Variants in RAB3GAP2 observed in about 807,000 individuals in gnomAD.
The protein encoded by RAB3GAP2 is rab3 GTPase-activating protein non-catalytic subunit.
In RAB3GAP2, 87 loss-of-function variants were observed where a neutral mutation model predicts 185.3. That is an observed-to-expected ratio of 0.47 (90% CI 0.39 to 0.56). The LOEUF is 0.56. RAB3GAP2 is among the 20% of genes least tolerant of loss of function. RAB3GAP2 has a pLI of 0.00. For missense variants in RAB3GAP2, 1,492 were observed against 1,638.2 expected (o/e 0.91, Z 1.54); for synonymous variants, 554 against 576.1 (o/e 0.96, Z 0.55).
Position 220,157,828 on chromosome 1 carries a change from A to G in RAB3GAP2, c.3310T>C (p.Leu1104=). 6.2e-7 allele frequency: 1 copy of G among 1,613,678 alleles called. No homozygotes were observed. The highest frequency in any genetic ancestry group is 2.2e-5 in the East Asian group (1 of 44,858). ...TCCATTAAGATCTGAAGAAGATCCA[A>G]ACAGGAGCCGAGGAAAGATGTCATT... ...TAMTSFLGSC[L]DLLQILMEAD... is the part of the protein sequence containing the mutation. The change falls in exon 30 of 35, where the codon TTG becomes CTG. Residue 1104 remains leucine (L), a synonymous_variant. Coordinates refer to ENST00000358951, the MANE Select transcript of RAB3GAP2 (RefSeq NM_012414.4).
chr1:220,204,869 G>A (rs959586978), intron 8 of RAB3GAP2, among the ~76,000 whole-genome samples: 12 of 151,530 alleles, frequency 7.9e-5, no homozygotes, highest in African/African-American at 2.9e-4. Context: ...AGTTTGCTGA[G>A]AATGGTTTCC....
At chr1:220,196,122 G>T in intron 10 of RAB3GAP2, 128 bp downstream of exon 10, 1 of 1,047,054 alleles carries the variant, frequency 9.6e-7, no homozygotes, top group Non-Finnish European at 1.4e-6. Context: ...ATTAATTTTA[G>T]TTTCAATTGA....
rs538211590 is a variant in RAB3GAP2 at position 220,231,969 on chromosome 1, G to A, written c.180+830C>T. Among the ~76,000 whole-genome samples, 3 of 152,248 alleles carry A rather than the reference G, an allele frequency of 2.0e-5. No homozygotes were observed. In the South Asian group the frequency reaches 6.2e-4, roughly 32 times the overall value. On this transcript the variant is annotated intron_variant, in intron 2 of 34. Coordinates refer to ENST00000358951, the MANE Select transcript of RAB3GAP2 (RefSeq NM_012414.4). ...ATTCTATCTTTGGACTTCCTTCTAT[G>A]TAAGCGAATAAATTTTCTTCATATT... is the stretch of plus-strand genomic sequence containing the variant.
intron 4 of RAB3GAP2, chr1:220,211,234 C>T: frequency 1.5e-6 from 1 of 660,576 alleles, no homozygotes; most frequent in Non-Finnish European, 2.8e-6. Context: ...CAGAATTTTT[C>T]ACTCTGTATT....
At chr1:220,238,786 C>T (rs1007701550) in intron 1 of RAB3GAP2, among the ~76,000 whole-genome samples, 1 of 152,208 alleles carries the variant, frequency 6.6e-6, no homozygotes, top group Non-Finnish European at 1.5e-5. Context: ...TGTGAAACTA[C>T]AGCATTTGAC....
chr1:220,173,834 C>T (rs773971702), intron 21 of RAB3GAP2, among the ~76,000 whole-genome samples: 4 of 151,948 alleles, frequency 2.6e-5, no homozygotes, highest in East Asian at 3.9e-4. Flanking sequence ...TCCTGGCTAA[C>T]GTGGTGAAAC....
intron 1 of RAB3GAP2, among the ~76,000 whole-genome samples, chr1:220,257,515 C>A (rs1329830827): frequency 6.6e-6 from 1 of 152,142 alleles, no homozygotes; most frequent in African/African-American, 2.4e-5. Flanking sequence ...TCAAAAAGAT[C>A]TTTGAATCTA....
intron 2 of RAB3GAP2, among the ~76,000 whole-genome samples, chr1:220,214,450 CAGGAGGTAGAGGTTACAGTGAGCTG>C (rs1659145945): frequency 6.6e-6 from 1 of 151,762 alleles, no homozygotes; most frequent in African/African-American, 2.4e-5. Flanking sequence ...CACTTGAACC[CAGGAGGTAGAGGTTACAGTGAGCTG>C]AGATCGCACC....
intron 23 of RAB3GAP2, 101 bp from the exon 24 acceptor site, chr1:220,171,221 CACAA>C: frequency 2.1e-6 from 2 of 955,074 alleles, no homozygotes; most frequent in Non-Finnish European, 3.3e-6. Flanking sequence ...GAGGATACAT[CACAA>C]AGCAACACAT....
intron 2 of RAB3GAP2, among the ~76,000 whole-genome samples, chr1:220,217,134 T>C (rs1659215490): frequency 6.6e-6 from 1 of 152,014 alleles, no homozygotes; most frequent in Non-Finnish European, 1.5e-5. Context: ...AATCTAGGCT[T>C]CCTAATTCCT....
intron 2 of RAB3GAP2, among the ~76,000 whole-genome samples, chr1:220,229,014 T>G (rs1306877385): frequency 6.6e-6 from 1 of 152,222 alleles, no homozygotes; most frequent in East Asian, 1.9e-4. Context: ...CATTTATCCC[T>G]GGAGATCCCT....
intron 2 of RAB3GAP2, among the ~76,000 whole-genome samples, chr1:220,222,197 T>A (rs1659320656): frequency 1.3e-5 from 2 of 152,232 alleles, no homozygotes; most frequent in Admixed American, 6.5e-5. Context: ...ACTATATTAC[T>A]AGTTACTAAG....
At chr1:220,263,951 A>G (rs1160111981) in intron 1 of RAB3GAP2, among the ~76,000 whole-genome samples, 1 of 152,090 alleles carries the variant, frequency 6.6e-6, no homozygotes, top group Non-Finnish European at 1.5e-5. Context: ...TACTATAAAC[A>G]TGTACATTTA....
At chr1:220,258,557 C>CA (rs1410213193) in intron 1 of RAB3GAP2, among the ~76,000 whole-genome samples, 1 of 152,172 alleles carries the variant, frequency 6.6e-6, no homozygotes, top group Non-Finnish European at 1.5e-5. Flanking sequence ...TAAAAACTCT[C>CA]AATAAACTAG....
At chr1:220,265,125 C>A (rs1660207396) in intron 1 of RAB3GAP2, among the ~76,000 whole-genome samples, 3 of 152,128 alleles carry the variant, frequency 2.0e-5, no homozygotes, top group Non-Finnish European at 1.5e-5. Context: ...GTTCTATTTT[C>A]AGATTATTTT....
intron 1 of RAB3GAP2, among the ~76,000 whole-genome samples, chr1:220,250,409 T>C (rs573175128): frequency 1.3e-5 from 2 of 152,330 alleles, no homozygotes; most frequent in East Asian, 3.9e-4. Context: ...ACTCACATTG[T>C]ATATAGGAAG....
At chr1:220,223,587 A>G (rs1033537045) in intron 2 of RAB3GAP2, among the ~76,000 whole-genome samples, 1 of 152,136 alleles carries the variant, frequency 6.6e-6, no homozygotes, top group Non-Finnish European at 1.5e-5. Flanking sequence ...AGGAGTCAAC[A>G]ATTTCAAATA....
intron 21 of RAB3GAP2, 25 bp from the exon 22 acceptor site, chr1:220,172,767 CA>C (rs762703658): frequency 3.9e-6 from 6 of 1,532,024 alleles, no homozygotes; most frequent in Non-Finnish European, 5.4e-6. Context: ...AAATCTTTTT[CA>C]GTCTAAAAAA....
At chr1:220,260,744 C>T (rs1660119682) in intron 1 of RAB3GAP2, among the ~76,000 whole-genome samples, 1 of 151,990 alleles carries the variant, frequency 6.6e-6, no homozygotes, top group Non-Finnish European at 1.5e-5. Flanking sequence ...CATCCCTGAA[C>T]TTAAAAGTTG....
Sources: allele counts gnomAD v4.1 joint callset (sites outside exome capture counted in the v4.1 genomes callset), GRCh38; gene constraint gnomAD v4.1.1; transcripts MANE v1.5; gene names NCBI Gene and HGNC (gene_info 2026-07-23, HGNC 2026-07-21).